Variants in M1AP observed in about 807,000 individuals in gnomAD.
The protein encoded by M1AP is meiosis 1 arrest protein.
In M1AP, 39 loss-of-function variants were observed where a neutral mutation model predicts 51.2. That is an observed-to-expected ratio of 0.76 (90% CI 0.59 to 1.00). The LOEUF (loss-of-function observed/expected upper bound fraction) is 1.00. M1AP is among the 50% of genes least tolerant of loss of function. The pLI is 0.00. For missense variants in M1AP, 545 were observed against 641.2 expected, an observed-to-expected ratio of 0.85 and a Z score of 1.62; for synonymous variants, 251 against 249.2, an observed-to-expected ratio of 1.01 and a Z score of -0.07.
chr2:74,609,004 T>C (rs997802933), intron 3 of M1AP, among the ~76,000 whole-genome samples: 1 of 152,252 alleles, frequency 6.6e-6, no homozygotes, highest in Non-Finnish European at 1.5e-5. Flanking sequence ...CATTTATACA[T>C]TGTGTAATGA....
intron 2 of M1AP, among the ~76,000 whole-genome samples, chr2:74,622,790 T>C (rs1682136519): frequency 6.6e-6 from 1 of 151,670 alleles, no homozygotes; most frequent in Non-Finnish European, 1.5e-5. Flanking sequence ...CAGTAATGTC[T>C]AATTTGGGGG....
chr2:74,642,786 A>G (rs1156928490), intron 1 of M1AP, among the ~76,000 whole-genome samples: 1 of 152,230 alleles, frequency 6.6e-6, no homozygotes, highest in Non-Finnish European at 1.5e-5. Context: ...TTTAAATATT[A>G]ATTTACATTT....
At chr2:74,576,782 A>G in intron 5 of M1AP, 164 bp from the exon 6 acceptor site, 2 of 1,243,710 alleles carry the variant, frequency 1.6e-6, no homozygotes, top group Non-Finnish European at 2.2e-6. Context: ...GAAAGAGGAA[A>G]GCCTGACTGG....
Position 74,640,243 on chromosome 2 carries a change from G to C in M1AP, c.33C>G (p.Pro11=). The stretch of plus-strand genomic sequence containing the variant: ...GCTGGTCAATCTGAGTGTGAGTAGA[G>C]GGCCCTTTACCAGTAGTTCGCCCAG... MHPGRTTGKG[P]STHTQIDQQP... The change falls in exon 2 of 11, where the codon CCC becomes CCG. Residue 11 remains proline (P), a synonymous_variant. Coordinates refer to ENST00000421985, the MANE Select transcript of M1AP (RefSeq NM_001321739.2). 9.9e-6 allele frequency: 16 copies of C among 1,614,080 alleles called. No homozygotes were observed. The highest frequency in any genetic ancestry group is 1.4e-5 in the Non-Finnish European group (16 of 1,179,970).
chr2:74,603,316 A>T (rs903954932), intron 4 of M1AP, among the ~76,000 whole-genome samples: 1 of 152,270 alleles, frequency 6.6e-6, no homozygotes, highest in Non-Finnish European at 1.5e-5. Context: ...TTCTAATGCC[A>T]AGGTGCTTAC....
intron 4 of M1AP, among the ~76,000 whole-genome samples, chr2:74,598,814 G>A (rs1026194504): frequency 6.6e-6 from 1 of 151,028 alleles, no homozygotes; most frequent in Admixed American, 6.6e-5. Context: ...TAGAGATGAG[G>A]TCTCACTATG....
chr2:74,606,016 T>C (rs955600026), intron 4 of M1AP, among the ~76,000 whole-genome samples: 5 of 152,160 alleles, frequency 3.3e-5, no homozygotes, highest in Non-Finnish European at 7.3e-5. Context: ...AAGGAATGTG[T>C]GCTGGACCTT....
intron 7 of M1AP, among the ~76,000 whole-genome samples, chr2:74,562,877 C>T (rs547282887): frequency 6.6e-6 from 1 of 152,284 alleles, no homozygotes; most frequent in East Asian, 1.9e-4. Flanking sequence ...GATTGTACCA[C>T]TGCACTCCAG....
chr2:74,612,488 G>C (rs1681425863), intron 3 of M1AP, among the ~76,000 whole-genome samples: 1 of 152,054 alleles, frequency 6.6e-6, no homozygotes, highest in Non-Finnish European at 1.5e-5. Context: ...CCAAAGTGTT[G>C]TACTATTTTA....
intron 10 of M1AP, 132 bp downstream of exon 10, chr2:74,559,566 A>G: frequency 1.6e-6 from 1 of 635,084 alleles, no homozygotes; most frequent in Admixed American, 2.7e-5. Flanking sequence ...TCATAAAAAT[A>G]TTTCTCTATC....
At chr2:74,568,270 C>T (rs1410055619) in intron 7 of M1AP, among the ~76,000 whole-genome samples, 1 of 152,242 alleles carries the variant, frequency 6.6e-6, no homozygotes, top group East Asian at 1.9e-4. Flanking sequence ...ACATCTACTT[C>T]TGCATCTAAG....
intron 4 of M1AP, among the ~76,000 whole-genome samples, chr2:74,594,836 G>A (rs754596989): frequency 6.6e-6 from 1 of 152,124 alleles, no homozygotes; most frequent in Non-Finnish European, 1.5e-5. Context: ...TTGTGATCAC[G>A]CTACAGCACT....
chr2:74,620,084 T>C (rs1681914817), intron 2 of M1AP, among the ~76,000 whole-genome samples: 1 of 152,222 alleles, frequency 6.6e-6, no homozygotes, highest in African/African-American at 2.4e-5. Flanking sequence ...AAACACTCAC[T>C]TTCACTTCCT....
chr2:74,621,290 C>A (rs1040270575), intron 2 of M1AP, among the ~76,000 whole-genome samples: 17 of 149,734 alleles, frequency 1.1e-4, no homozygotes, highest in Non-Finnish European at 2.2e-4. Context: ...TCAAAAAAAA[C>A]CCCAAAAAAC....
chr2:74,602,799 A>G (rs1458532414), intron 4 of M1AP, among the ~76,000 whole-genome samples: 1 of 152,236 alleles, frequency 6.6e-6, no homozygotes, highest in Non-Finnish European at 1.5e-5. Flanking sequence ...ATTATTCAGA[A>G]GCAAATGGGA....
chr2:74,628,586 C>T (rs537227867), intron 2 of M1AP: 1 of 583,936 alleles, frequency 1.7e-6, no homozygotes, highest in South Asian at 1.5e-5. Flanking sequence ...CAGCTTCTGA[C>T]ACAGTTTTAT....
Position 74,615,292 on chromosome 2 carries a change from A to C in M1AP, c.241-143T>G, listed in dbSNP as rs535525025. On this transcript the variant is annotated intron_variant, in intron 2 of 10. Coordinates refer to ENST00000421985, the MANE Select transcript of M1AP (RefSeq NM_001321739.2). ...TTTGACCAACATCTACTGAATTCCT[A>C]TTGTGTTCTAGCCACTGCACCAAAA... The C allele has an allele frequency of 2.3e-4, 170 of 736,148 alleles. 2 individuals carry two copies. In the South Asian group the frequency reaches 3.1e-3, roughly 13 times the overall value. 45.6% of individuals were successfully genotyped at this position (736,148 alleles called of 1,614,324 possible). A position where few individuals can be genotyped will look rare whatever the true frequency, so the allele number is the denominator to read the frequency against.
chr2:74,592,340 ATAGG>A (rs1680094862), intron 4 of M1AP, among the ~76,000 whole-genome samples: 1 of 152,200 alleles, frequency 6.6e-6, no homozygotes, highest in African/African-American at 2.4e-5. Context: ...CAATCTAATA[ATAGG>A]TAGGAAATAA....
intron 8 of M1AP, chr2:74,561,825 G>A: frequency 1.1e-6 from 1 of 932,360 alleles, no homozygotes; most frequent in South Asian, 4.9e-5. Flanking sequence ...CTGTGCCCTG[G>A]CCTGACATCA....
Sources: allele counts gnomAD v4.1 joint callset (sites outside exome capture counted in the v4.1 genomes callset), GRCh38; gene constraint gnomAD v4.1.1; transcripts MANE v1.5; gene names NCBI Gene and HGNC (gene_info 2026-07-23, HGNC 2026-07-21).